The following SHBG variants were observed in gnomAD, a reference collection of about 807,000 sequenced individuals.
SHBG encodes sex hormone binding globulin, also known as sex hormone-binding globulin.
In SHBG, 37 loss-of-function variants were observed where a neutral mutation model predicts 41.9. The ratio of observed to expected loss-of-function variants is 0.88; its 90% CI spans 0.68 to 1.16. SHBG has a LOEUF of 1.16. Among genes scored for constraint, SHBG ranks in the 50% most tolerant of loss-of-function variants. SHBG has a pLI of 0.00. For missense variants in SHBG, 466 were observed against 499.9 expected (o/e 0.93, Z 0.65); for synonymous variants, 217 against 205.8 (o/e 1.05, Z -0.47).
intron 1 of SHBG, among the ~76,000 whole-genome samples, chr17:7,618,508 C>T (rs2072033833): frequency 6.6e-6 from 1 of 151,854 alleles, no homozygotes; most frequent in African/African-American, 2.4e-5. Context: ...GGTTTCACCA[C>T]GTTGGCCAGG....
upstream of SHBG, chr17:7,627,773 C>T (rs1261803975): frequency 1.0e-6 from 1 of 960,760 alleles, no homozygotes. The surrounding 1 kb of genome is among the most constrained non-coding windows in gnomAD (Gnocchi z 4.8). Flanking sequence ...GCGGGGTAGC[C>T]GCGGCCTGGT....
At chr17:7,614,697 G>GGGGGCC (rs1011347829) in intron 1 of SHBG, 6 of 321,692 alleles carry the variant, frequency 1.9e-5, no homozygotes, top group Admixed American at 1.5e-4. Flanking sequence ...CCAACGAGCA[G>GGGGGCC]GGGGCCGGGG....
Position 7,631,632 on chromosome 17 carries a change from T to G in SHBG, c.599T>G (p.Leu200Arg). 4.3e-6 allele frequency: 7 copies of G among 1,614,136 alleles called. No homozygotes were observed. The highest frequency in any genetic ancestry group is 5.1e-6 in the Non-Finnish European group (6 of 1,180,018). ...LDGCLRRDSW[L>R]DKQAEISASA... ...GGCTGCCTGCGCCGGGATTCCTGGC[T>G]GGACAAACAGGCCGAGATCTCAGCA... Residue 200 changes from leucine (L) to arginine (R), a missense_variant, in exon 5 of 8, where the codon CTG becomes CGG. Transcript: ENST00000380450.
upstream of SHBG, among the ~76,000 whole-genome samples, chr17:7,629,519 T>G (rs1030444596): frequency 2.0e-5 from 3 of 152,248 alleles, no homozygotes; most frequent in East Asian, 5.8e-4. Flanking sequence ...CTTCTTAATA[T>G]TCACTGAATC....
chr17:7,620,983 A>T (rs1309664968), intron 1 of SHBG, among the ~76,000 whole-genome samples: 1 of 150,550 alleles, frequency 6.6e-6, no homozygotes, highest in Admixed American at 6.7e-5. Context: ...GTGATCCCAG[A>T]TACTTGAGAG....
chr17:7,625,113 CT>C (rs1299000521), upstream of SHBG, among the ~76,000 whole-genome samples: 1 of 151,440 alleles, frequency 6.6e-6, no homozygotes, highest in Non-Finnish European at 1.5e-5. Flanking sequence ...CCACGCCTGG[CT>C]AATTTTGTAT....
At chr17:7,623,115 G>A (rs768988226), upstream of SHBG, among the ~76,000 whole-genome samples, 3 of 151,962 alleles carry the variant, frequency 2.0e-5, no homozygotes, top group Non-Finnish European at 2.9e-5. Flanking sequence ...AGTATTGGCC[G>A]GGCACAGTGG....
upstream of SHBG, chr17:7,627,130 C>T (rs1204793331): frequency 1.9e-6 from 3 of 1,613,960 alleles, no homozygotes; most frequent in African/African-American, 2.7e-5. The surrounding 1 kb of genome is among the most constrained non-coding windows in gnomAD (Gnocchi z 4.8). Flanking sequence ...TTCTAAGGGC[C>T]AGGTGCTCTT....
Position 7,631,315 on chromosome 17 carries a change from T to C in SHBG, c.509T>C (p.Ile170Thr), listed in dbSNP as rs2072403785. ...LTSKRHPIMRIALGGLLFPAS... is the reference protein window; with the variant it reads ...LTSKRHPIMRTALGGLLFPAS... ...AGCAAACGCCATCCCATCATGAGGA[T>C]TGCGCTTGGGGGGCTGCTCTTCCCC... Residue 170 changes from isoleucine (I) to threonine (T), a missense_variant, in exon 4 of 8, where the codon ATT (isoleucine) becomes ACT (threonine). Coordinates refer to ENST00000380450, the MANE Select transcript of SHBG (RefSeq NM_001040.5). 1.1e-5 allele frequency: 18 copies of C among 1,613,844 alleles called. No individual in the cohort carries two copies. The highest frequency in any genetic ancestry group is 1.4e-5 in the Non-Finnish European group (16 of 1,179,900).
At chr17:7,622,003 ATT>A (rs756865271) in intron 1 of SHBG, among the ~76,000 whole-genome samples, 15 of 140,036 alleles carry the variant, frequency 1.1e-4, no homozygotes, top group Non-Finnish European at 1.1e-4. Context: ...TGCCCGGCTA[ATT>A]TTTTTTTTTT....
intron 1 of SHBG, among the ~76,000 whole-genome samples, chr17:7,616,018 T>C (rs1017130485): frequency 1.3e-5 from 2 of 151,568 alleles, no homozygotes; most frequent in African/African-American, 2.4e-5. Flanking sequence ...ATACAAAAAT[T>C]AGGACGGGCG....
chr17:7,633,136 T>C, intron 7 of SHBG, 68 bp from the exon 8 acceptor site: 1 of 1,581,844 alleles, frequency 6.3e-7, no homozygotes, highest in Non-Finnish European at 8.7e-7. Context: ...AGTGGAAAAG[T>C]GGGGAGAAGA....
chr17:7,629,949 G>GAT, upstream of SHBG: 1 of 610,430 alleles, frequency 1.6e-6, no homozygotes. Flanking sequence ...AGTGGAGGAT[G>GAT]ATAGTGGAGG....
intron 1 of SHBG, among the ~76,000 whole-genome samples, chr17:7,616,921 A>T (rs371614108): frequency 6.6e-6 from 1 of 152,098 alleles, no homozygotes; most frequent in Admixed American, 6.5e-5. Context: ...GGGCAAAAAG[A>T]GCGACACTCT....
chr17:7,623,751 T>C (rs1411743556), upstream of SHBG, among the ~76,000 whole-genome samples: 1 of 152,162 alleles, frequency 6.6e-6, no homozygotes, highest in East Asian at 1.9e-4. Flanking sequence ...TGAGCCACTG[T>C]ACCCAACCTA....
intron 1 of SHBG, among the ~76,000 whole-genome samples, chr17:7,616,365 T>C (rs1685062098): frequency 7.1e-6 from 1 of 140,448 alleles, no homozygotes; most frequent in African/African-American, 2.7e-5. Context: ...CCCAACACTT[T>C]GGGAGGCCGA....
At position 7,631,878 on chromosome 17, in the gene SHBG, G is replaced by T. The variant is rs758832324; in HGVS notation, c.716-1G>T. 1.9e-6 allele frequency: 3 copies of T among 1,613,888 alleles called. No individual in the cohort carries two copies. The highest frequency in any genetic ancestry group is 2.7e-5 in the African/African-American group (2 of 74,878). On this transcript the variant is annotated splice_acceptor_variant, in intron 5 of 7. Coordinates refer to ENST00000380450, the MANE Select transcript of SHBG (RefSeq NM_001040.5). LOFTEE classifies it high-confidence loss of function. The stretch of plus-strand genomic sequence containing the variant: ...CTCAGGATAATCATTTCTCCCCACA[G>T]ACATTCCCCAGCCTCATGCAGAGCC...
At chr17:7,627,878 T>C, upstream of SHBG, 1 of 632,128 alleles carries the variant, frequency 1.6e-6, no homozygotes, top group South Asian at 1.7e-5. This position sits in a 1 kb window ranked among gnomAD's most constrained non-coding sequence, Gnocchi z 4.8. Flanking sequence ...TCGAATTCTG[T>C]CGCAGCAGGG....
chr17:7,618,134 T>A (rs1893626474), intron 1 of SHBG, among the ~76,000 whole-genome samples: 1 of 151,686 alleles, frequency 6.6e-6, no homozygotes, highest in African/African-American at 2.4e-5. Flanking sequence ...GAGGAGAATC[T>A]CTTGAACTTG....
Sources: allele counts gnomAD v4.1 joint callset (sites outside exome capture counted in the v4.1 genomes callset), GRCh38; gene constraint gnomAD v4.1.1; non-coding constraint Gnocchi (gnomAD v3.1); transcripts MANE v1.5; gene names NCBI Gene and HGNC (gene_info 2026-07-23, HGNC 2026-07-21).